The following HERC2 variants were observed in gnomAD, a reference collection of about 807,000 sequenced individuals.
The protein encoded by HERC2 is E3 ubiquitin-protein ligase HERC2.
A neutral mutation model predicts 537.7 loss-of-function variants in HERC2; 102 were observed. The ratio of observed to expected loss-of-function variants is 0.19; its 90% CI spans 0.16 to 0.22. The LOEUF is 0.22. Among genes scored for constraint, HERC2 ranks in the 10% least tolerant of loss-of-function variants. The pLI, the probability that HERC2 is intolerant of heterozygous loss-of-function variation, is 1.00. For missense variants in HERC2, 4,236 were observed against 6,198.2 expected (o/e 0.68, Z 10.63); for synonymous variants, 2,224 against 2,466.2 (o/e 0.90, Z 2.91).
intron 5 of HERC2, among the ~76,000 whole-genome samples, chr15:28,277,219 C>T (rs1011950186): frequency 2.0e-5 from 3 of 152,104 alleles, no homozygotes; most frequent in Non-Finnish European, 4.4e-5. Flanking sequence ...GGGCCCTTGT[C>T]CATGTACCAA....
At chr15:28,132,297 A>G (rs1197459848) in intron 80 of HERC2, 36 bp from the exon 81 acceptor site, 2 of 1,571,140 alleles carry the variant, frequency 1.3e-6, no homozygotes, top group South Asian at 2.3e-5. Flanking sequence ...GCCAAGCACA[A>G]CACAAGAAGG....
chr15:28,138,849 G>A (rs1226938129), intron 78 of HERC2, among the ~76,000 whole-genome samples: 3 of 152,212 alleles, frequency 2.0e-5, no homozygotes, highest in Non-Finnish European at 2.9e-5. Flanking sequence ...CTTCTGGAAA[G>A]CCAGCACCAT....
chr15:28,154,866 T>G (rs955278373), intron 69 of HERC2, among the ~76,000 whole-genome samples: 1 of 151,644 alleles, frequency 6.6e-6, no homozygotes, highest in Non-Finnish European at 1.5e-5. Flanking sequence ...GCTGCACCCA[T>G]TAACTCATCA....
At position 28,178,947 on chromosome 15, in the gene HERC2, T is replaced by C; in HGVS notation, c.9103A>G (p.Ile3035Val). The change falls in exon 59 of 93, where the codon ATC becomes GTC. Residue 3035 changes from isoleucine (I) to valine (V), a missense_variant. Coordinates refer to ENST00000261609, the MANE Select transcript of HERC2 (RefSeq NM_004667.6). ...GLGISSGTVP[I>V]PRQITALSSY... is the part of the protein sequence containing the mutation. ...CTGAGAGCTGTGATCTGCCGTGGGATGGGCACCGTCCCGCTGGAAATGCCC... is the reference window on the plus strand; with the variant it reads ...CTGAGAGCTGTGATCTGCCGTGGGACGGGCACCGTCCCGCTGGAAATGCCC... 1 of 1,614,218 alleles carries C rather than the reference T, an allele frequency of 6.2e-7. No homozygotes were observed. Among genetic ancestry groups the C allele is most frequent in the Non-Finnish European group, 8.5e-7 (1 of 1,180,038 alleles).
At position 28,142,857 on chromosome 15, in the gene HERC2, G is replaced by A. The variant is rs747702743; in HGVS notation, c.11514C>T (p.Gly3838=). ...AGAATGGGCTGTGGAGCAGCTGTTT[G>A]CCACCCCTCACAATAGGATCTTCAT... ...FEYEDPIVRG[G]KQLLHSPFFK... Residue 3838 remains glycine (G), a synonymous_variant, in exon 75 of 93, where the codon GGC becomes GGT. Coordinates refer to ENST00000261609, the MANE Select transcript of HERC2 (RefSeq NM_004667.6). The A allele has an allele frequency of 6.3e-6, 10 of 1,581,376 alleles. No homozygotes were observed. In the African/African-American group the frequency reaches 6.8e-5, roughly 11 times the overall value.
In HERC2 at chr15:28,191,188, G is replaced by C. The variant is rs757893230; in HGVS notation, c.8508C>G (p.Ile2836Met). Reference protein sequence around the residue: ...PDVLVHRLKMIVDPADSSYMP... With the variant: ...PDVLVHRLKMMVDPADSSYMP... Reference sequence around the variant, plus strand: ...TGTAGCTACTGTCAGCAGGATCTACGATCATTTTTAATCTATGAACAAGAA... The same window carrying C: ...TGTAGCTACTGTCAGCAGGATCTACCATCATTTTTAATCTATGAACAAGAA... Residue 2836 changes from isoleucine to methionine, a missense_variant, in exon 54 of 93, where the codon ATC (isoleucine) becomes ATG (methionine). Ile to Met is a conservative substitution (Grantham distance 10, BLOSUM62 1). Coordinates refer to ENST00000261609, the MANE Select transcript of HERC2 (RefSeq NM_004667.6). 14 of 1,613,742 alleles carry C rather than the reference G, an allele frequency of 8.7e-6. No individual in the cohort carries two copies. The highest frequency in any genetic ancestry group is 4.5e-5 in the East Asian group (2 of 44,842).
At chr15:28,210,384 C>A (rs1473554486) in intron 44 of HERC2, among the ~76,000 whole-genome samples, 1 of 152,206 alleles carries the variant, frequency 6.6e-6, no homozygotes, top group Non-Finnish European at 1.5e-5. Context: ...CCGCCGCCCG[C>A]CTCGGCCTCC....
Position 28,177,270 on chromosome 15 carries a change from C to T in HERC2, c.9255-143G>A, listed in dbSNP as rs1303146626. On this transcript the variant is annotated intron_variant, in intron 60 of 92. Coordinates refer to ENST00000261609, the MANE Select transcript of HERC2 (RefSeq NM_004667.6). The surrounding 1 kb of genome is among the most constrained non-coding windows in gnomAD (Gnocchi z 5.0). ...AAAACTTAAAGCAGAACCGGTGAGA[C>T]CAAAACACAAACAACCGTGTTAAAA... 3 of 1,207,528 alleles carry T rather than the reference C, an allele frequency of 2.5e-6. No individual in the cohort carries two copies. Among genetic ancestry groups the T allele is most frequent in the Non-Finnish European group, 2.3e-6 (2 of 856,338 alleles). The allele number at this position is 1,207,528 out of a possible 1,614,324, so 74.8% of individuals were successfully genotyped here. A position where few individuals can be genotyped will look rare whatever the true frequency, so the allele number is the denominator to read the frequency against.
At chr15:28,145,935 C>A (rs910361750) in intron 71 of HERC2, among the ~76,000 whole-genome samples, 2 of 152,192 alleles carry the variant, frequency 1.3e-5, no homozygotes, top group African/African-American at 4.8e-5. Flanking sequence ...CTGCAGTATG[C>A]CAACCATGAC....
intron 70 of HERC2, among the ~76,000 whole-genome samples, chr15:28,151,098 AT>A (rs1279968257): frequency 1.3e-5 from 2 of 152,204 alleles, no homozygotes; most frequent in Non-Finnish European, 2.9e-5. Flanking sequence ...ATATTCTAAG[AT>A]TTTTAAGAAT....
chr15:28,179,273 G>T (rs772835325), intron 57 of HERC2, 50 bp from the exon 58 acceptor site: 1 of 1,369,892 alleles, frequency 7.3e-7, no homozygotes, highest in South Asian at 1.3e-5. Flanking sequence ...AATTTTACTT[G>T]CATGTTTAAA....
chr15:28,116,952 C>CT, intron 87 of HERC2, 61 bp downstream of exon 87: 5 of 1,612,558 alleles, frequency 3.1e-6, no homozygotes, highest in South Asian at 1.1e-5. Flanking sequence ...TCTGTGCTCC[C>CT]TGTGGGCTCA....
intron 39 of HERC2, 74 bp from the exon 40 acceptor site, chr15:28,214,876 A>T (rs1290621287): frequency 3.1e-6 from 4 of 1,294,544 alleles, no homozygotes; most frequent in Non-Finnish European, 4.3e-6. Context: ...TTATTTTTTT[A>T]TTTTTTATTT....
intron 3 of HERC2, among the ~76,000 whole-genome samples, chr15:28,297,742 A>T (rs1437718298): frequency 6.6e-6 from 1 of 152,154 alleles, no homozygotes; most frequent in Non-Finnish European, 1.5e-5. Flanking sequence ...TCTGAGCAAG[A>T]GTCATGATAA....
At position 28,201,557 on chromosome 15, in the gene HERC2, G is replaced by A. The variant is rs61751204; in HGVS notation, c.7618-3C>T. On this transcript the variant is annotated splice_polypyrimidine_tract_variant and splice_region_variant and intron_variant, in intron 47 of 92. Transcript: ENST00000261609. ...TCCGTCACAACAGCACCAGTAGACTGCAAGAAATAAATACATTCAAACAAA... is the reference window on the plus strand; with the variant it reads ...TCCGTCACAACAGCACCAGTAGACTACAAGAAATAAATACATTCAAACAAA... The A allele has an allele frequency of 6.9e-5, 111 of 1,600,436 alleles. 1 individual carries two copies. The highest frequency in any genetic ancestry group is 2.9e-4 in the African/African-American group (22 of 74,712).
rs186994742 is a variant in HERC2, at chr15:28,154,882, A to G, written c.10747-2052T>C. ...CTGCACCCATTAACTCATCATTTAC[A>G]TTAGGTATATCTCCTAATGCTATCC... On this transcript the variant is annotated intron_variant, in intron 69 of 92. Coordinates refer to ENST00000261609, the MANE Select transcript of HERC2 (RefSeq NM_004667.6). Among the ~76,000 whole-genome samples the G allele has an allele frequency of 4.1e-3, 618 of 150,906 alleles. 5 individuals are homozygous for G. The highest frequency in any genetic ancestry group is 0.014 in the African/African-American group (579 of 41,192).
chr15:28,167,553 A>G, intron 68 of HERC2, 134 bp downstream of exon 68: 2 of 1,038,618 alleles, frequency 1.9e-6, no homozygotes, highest in Non-Finnish European at 2.9e-6. Flanking sequence ...AAACGCTTCG[A>G]AGATGCTAAC....
At chr15:28,277,478 A>AAG (rs1567108181) in intron 5 of HERC2, among the ~76,000 whole-genome samples, 2 of 150,360 alleles carry the variant, frequency 1.3e-5, no homozygotes, top group Admixed American at 6.6e-5. Context: ...AAAAAAAAAA[A>AAG]GGGGCTTTTT....
At chr15:28,223,869 A>T (rs1388410338) in intron 35 of HERC2, among the ~76,000 whole-genome samples, 3 of 152,080 alleles carry the variant, frequency 2.0e-5, no homozygotes, top group African/African-American at 2.4e-5. Context: ...TAAACACATG[A>T]ATACTATCAA....
Sources: gnomAD v4.1 joint callset for allele counts (sites outside exome capture counted in the v4.1 genomes callset) on GRCh38, gnomAD v4.1.1 for gene constraint, Gnocchi (gnomAD v3.1) non-coding constraint, MANE v1.5 for transcripts, NCBI Gene and HGNC (gene_info 2026-07-23, HGNC 2026-07-21) for gene names.